Variants in TUT1 observed in about 807,000 individuals in gnomAD.
The protein encoded by TUT1 is terminal uridylyl transferase 1, U6 snRNA-specific, also known as speckle targeted PIP5K1A-regulated poly(A) polymerase.
In TUT1, 26 loss-of-function variants were observed where a neutral mutation model predicts 48.8. That is an observed-to-expected ratio of 0.53 (90% CI 0.39 to 0.74). TUT1 has a LOEUF of 0.74. Ranked by LOEUF, TUT1 falls within the 30% of genes least tolerant of loss-of-function variation. TUT1 has a pLI of 0.00. For missense variants in TUT1, 1,065 were observed against 1,114.8 expected (o/e 0.96, Z 0.64); for synonymous variants, 470 against 460.8 (o/e 1.02, Z -0.26).
intron 5 of TUT1, among the ~76,000 whole-genome samples, chr11:62,578,285 G>A (rs1941762470): frequency 6.6e-6 from 1 of 152,030 alleles, no homozygotes; most frequent in Non-Finnish European, 1.5e-5. Context: ...GGTGCCTCAC[G>A]CCTGTAGTCC....
In TUT1 at chr11:62,575,585, C is replaced by G; in HGVS notation, c.2134G>C (p.Gly712Arg). 3 of 1,614,152 alleles carry G rather than the reference C, an allele frequency of 1.9e-6. No individual in the cohort carries two copies. Among genetic ancestry groups the G allele is most frequent in the Non-Finnish European group, 2.5e-6 (3 of 1,180,024 alleles). Residue 712 changes from glycine (G) to arginine (R), a missense_variant, in exon 9 of 9, where the codon GGG becomes CGG. Gly to Arg is a moderately radical substitution (Grantham distance 125, BLOSUM62 -2). Coordinates refer to ENST00000476907, the MANE Select transcript of TUT1 (RefSeq NM_022830.3). ...DWAMQSPGQP[G>R]DLPLTTGKHG... ...TTTCCAGTGGTCAGGGGCAGGTCCC[C>G]TGGCTGCCCAGGGCTCTGCATGGCC...
Position 62,578,696 on chromosome 11 carries a change from T to A in TUT1, c.1025A>T (p.Glu342Val). ...EEKAEGAAML[E>V]LVGSILRGCV... ...GCCCCGGAGAATGGATCCCACCAGC[T>A]CCAGCATTGCTGCCCCCTCTGCTTT... Residue 342 changes from glutamate (E) to valine (V), a missense_variant, in exon 5 of 9, where the codon GAG becomes GTG. Physicochemically the swap from Glu to Val is moderately radical, Grantham distance 121. Transcript: ENST00000476907. 6.2e-7 allele frequency: 1 copy of A among 1,614,192 alleles called. No individual in the cohort carries two copies. Among genetic ancestry groups the A allele is most frequent in the Non-Finnish European group, 8.5e-7 (1 of 1,180,040 alleles).
In TUT1 at chr11:62,581,671, C is replaced by T. The variant is rs1941828982; in HGVS notation, c.304G>A (p.Val102Met). The change falls in exon 3 of 9, where the codon GTG becomes ATG. Residue 102 changes from valine (V) to methionine (M), a missense_variant. Val to Met is a conservative substitution (Grantham distance 21). Coordinates refer to ENST00000476907, the MANE Select transcript of TUT1 (RefSeq NM_022830.3). ...GVFAIVEMGD[V>M]GAREAVLSQS... ...GACAAGACAGCCTCTCGAGCACCCA[C>T]GTCCCCCATCTCCACAATGGCAAAC... 2 of 1,484,556 alleles carry T rather than the reference C, an allele frequency of 1.3e-6. No homozygotes were observed. Among genetic ancestry groups the T allele is most frequent in the South Asian group, 1.4e-5 (1 of 70,870 alleles). The allele number at this position is 1,484,556 out of a possible 1,614,324, so 92.0% of individuals were successfully genotyped here.
chr11:62,576,773 G>C, intron 7 of TUT1, 24 bp from the exon 8 acceptor site: 1 of 1,613,158 alleles, frequency 6.2e-7, no homozygotes, highest in Non-Finnish European at 8.5e-7. Flanking sequence ...TAAGGTGAGA[G>C]TCAGTCTGGA....
At chr11:62,582,549 T>C in intron 2 of TUT1, 2 of 451,832 alleles carry the variant, frequency 4.4e-6, no homozygotes, top group Non-Finnish European at 8.9e-6. Flanking sequence ...TGAGCTGTGA[T>C]TGTGATTGCA....
Position 62,575,089 on chromosome 11 carries a change from T to C in TUT1, c.*5A>G, listed in dbSNP as rs372140568. ...CAGCTTTATTGCCCTTCAGGGGCCA[T>C]GTCTTCACTTGAGATGTCGAATTGC... On this transcript the variant is annotated 3_prime_UTR_variant, in exon 9 of 9. Coordinates refer to ENST00000476907, the MANE Select transcript of TUT1 (RefSeq NM_022830.3). 4.9e-5 allele frequency: 77 copies of C among 1,556,104 alleles called. No individual in the cohort carries two copies. The highest frequency in any genetic ancestry group is 6.4e-5 in the Non-Finnish European group (74 of 1,150,994).
Position 62,575,461 on chromosome 11 carries a change from T to C in TUT1, c.2258A>G (p.Glu753Gly). 6.2e-7 allele frequency: 1 copy of C among 1,611,702 alleles called. No individual in the cohort carries two copies. The highest frequency in any genetic ancestry group is 8.5e-7 in the Non-Finnish European group (1 of 1,180,004). ...GGGCAGGGATGCCCCCTTCCCTGCCTCACCCTGAGACCATTCTTGGGCTGC... is the reference window on the plus strand; with the variant it reads ...GGGCAGGGATGCCCCCTTCCCTGCCCCACCCTGAGACCATTCTTGGGCTGC... The part of the protein sequence containing the change: ...HEAAQEWSQG[E>G]AGKGASLPSS... The change falls in exon 9 of 9, where the codon GAG becomes GGG. Residue 753 changes from glutamate (E) to glycine (G), a missense_variant. Glu to Gly is a moderately conservative substitution (Grantham distance 98). Transcript: ENST00000476907.
At chr11:62,591,363 G>C in intron 1 of TUT1, 41 bp downstream of exon 1, 1 of 1,503,988 alleles carries the variant, frequency 6.6e-7, no homozygotes, top group South Asian at 1.3e-5. Context: ...AAAGACGAAA[G>C]CCCGCAACCA....
chr11:62,576,611 T>G, intron 8 of TUT1, 46 bp downstream of exon 8: 5 of 1,524,348 alleles, frequency 3.3e-6, no homozygotes, highest in Non-Finnish European at 4.6e-6. Flanking sequence ...TTACCTACTG[T>G]TGATGAACAT....
In TUT1 at chr11:62,576,584, A is replaced by C. The variant is rs568563855; in HGVS notation, c.1474+73T>G. 1.7e-4 allele frequency: 218 copies of C among 1,278,418 alleles called. No homozygotes were observed. In the African/African-American group the frequency reaches 2.9e-3, roughly 17 times the overall value. 79.2% of individuals were successfully genotyped at this position (1,278,418 alleles called of 1,614,324 possible). A position where few individuals can be genotyped will look rare whatever the true frequency, so the allele number is the denominator to read the frequency against. ...TCTGTGAGAACCATGCCTGGCACAC[A>C]GTTAGTGTGATATATGTTACCTACT... On this transcript the variant is annotated intron_variant, in intron 8 of 8. Transcript: ENST00000476907.
intron 5 of TUT1, among the ~76,000 whole-genome samples, chr11:62,577,705 C>T (rs1206204813): frequency 1.3e-5 from 2 of 152,162 alleles, no homozygotes; most frequent in East Asian, 3.9e-4. Context: ...ATGGAGAAAC[C>T]TTTTTGCATC....
Position 62,575,834 on chromosome 11 carries a change from C to T in TUT1, c.1885G>A (p.Glu629Lys). ...LTAALVQVFREALGCHIEQAT... is the reference protein window; with the variant it reads ...LTAALVQVFRKALGCHIEQAT... The stretch of plus-strand genomic sequence containing the variant: ...TGTTCTATATGGCACCCCAGTGCTT[C>T]CCTGAATACCTGCACCAGGGCAGCA... Residue 629 changes from glutamate to lysine, a missense_variant, in exon 9 of 9, where the codon GAA becomes AAA. By Grantham distance (56) the Glu-to-Lys change is moderately conservative. Coordinates refer to ENST00000476907, the MANE Select transcript of TUT1 (RefSeq NM_022830.3). 6.2e-7 allele frequency: 1 copy of T among 1,614,192 alleles called. No homozygotes were observed. Among genetic ancestry groups the T allele is most frequent in the South Asian group, 1.1e-5 (1 of 91,082 alleles).
chr11:62,586,438 T>C (rs1203806980), intron 2 of TUT1, among the ~76,000 whole-genome samples: 2 of 152,210 alleles, frequency 1.3e-5, no homozygotes, highest in East Asian at 1.9e-4. Flanking sequence ...CAAGTGTACA[T>C]AATGTGCTTA....
At position 62,575,646 on chromosome 11, in the gene TUT1, C is replaced by T. The variant is rs750648565; in HGVS notation, c.2073G>A (p.Glu691=). Residue 691 remains glutamate (E), a synonymous_variant, in exon 9 of 9, where the codon GAG becomes GAA. Transcript: ENST00000476907. ...CCATCTCTCCAACCTCTATAACCAT[C>T]TCTTCTACCCTGTCTTCCCCACCGT... The part of the protein sequence containing the change: ...AGDGGEDRVE[E]MVIEVGEMVQ... 10 of 1,614,112 alleles carry T rather than the reference C, an allele frequency of 6.2e-6. No individual in the cohort carries two copies. Among genetic ancestry groups the T allele is most frequent in the Non-Finnish European group, 7.6e-6 (9 of 1,180,042 alleles).
rs181946648 is a variant in TUT1 at position 62,577,346 on chromosome 11, C to T, written c.1161-55G>A. On this transcript the variant is annotated intron_variant, in intron 5 of 8. Transcript: ENST00000476907. ...CGCTTGGGGATGTCAGAACCTACCA[C>T]CCCCAGCTTTCATTCCAGACTTGCA... is the stretch of plus-strand genomic sequence containing the variant. 1.1e-4 allele frequency: 152 copies of T among 1,387,486 alleles called. 2 individuals are homozygous for T. In the African/African-American group the frequency reaches 1.3e-3, roughly 11 times the overall value. 85.9% of individuals were successfully genotyped at this position (1,387,486 alleles called of 1,614,324 possible). A position where few individuals can be genotyped will look rare whatever the true frequency, so the allele number is the denominator to read the frequency against.
intron 4 of TUT1, among the ~76,000 whole-genome samples, 182 bp downstream of exon 4, chr11:62,580,924 T>G (rs1431836355): frequency 6.6e-6 from 1 of 152,192 alleles, no homozygotes; most frequent in Non-Finnish European, 1.5e-5. Flanking sequence ...CAGTTCATTT[T>G]CATCCTATCT....
intron 2 of TUT1, among the ~76,000 whole-genome samples, chr11:62,588,070 C>G (rs1375628962): frequency 6.6e-6 from 1 of 152,218 alleles, no homozygotes; most frequent in African/African-American, 2.4e-5. Flanking sequence ...TGTTTACTTT[C>G]TCCTCTAGAC....
At chr11:62,586,507 A>G (rs1941917474) in intron 2 of TUT1, among the ~76,000 whole-genome samples, 1 of 152,136 alleles carries the variant, frequency 6.6e-6, no homozygotes, top group African/African-American at 2.4e-5. Context: ...GGCGGAGCAC[A>G]GTGGCTTACG....
chr11:62,577,190 C>T lies in TUT1; in HGVS notation c.1262G>A (p.Gly421Glu). 1 of 1,609,260 alleles carries T rather than the reference C, an allele frequency of 6.2e-7. No homozygotes were observed. The highest frequency in any genetic ancestry group is 8.5e-7 in the Non-Finnish European group (1 of 1,178,454). The change falls in exon 6 of 9, where the codon GGG (glycine) becomes GAG (glutamate). Residue 421 changes from glycine to glutamate, a missense_variant. Transcript: ENST00000476907. ...TCCTGATCCATTCTCACCTGACAGC[C>T]CCCGACCCTGAGCCCAGCAGCGGAG... ...YTLRCWAQGR[G>E]LSGSGPLLSN...
Sources: allele counts gnomAD v4.1 joint callset (sites outside exome capture counted in the v4.1 genomes callset), GRCh38; gene constraint gnomAD v4.1.1; transcripts MANE v1.5; gene names NCBI Gene and HGNC (gene_info 2026-07-23, HGNC 2026-07-21).